CELF2: variants seen among roughly 807,000 people sequenced by gnomAD.
The protein encoded by CELF2 is CUG triplet repeat RNA-binding protein 2.
In CELF2, 8 loss-of-function variants were observed where a neutral mutation model predicts 62.6. The observed-to-expected ratio is 0.13, with a 90% CI of 0.07 to 0.23. CELF2 has a LOEUF of 0.23. Ranked by LOEUF, CELF2 falls within the 10% of genes least tolerant of loss-of-function variation. The pLI is 1.00. For missense variants in CELF2, 333 were observed against 671.0 expected, an observed-to-expected ratio of 0.50 and a Z score of 5.56; for synonymous variants, 258 against 250.0, an observed-to-expected ratio of 1.03 and a Z score of -0.30.
intron 8 of CELF2, among the ~76,000 whole-genome samples, chr10:11,281,064 G>A (rs889728789): frequency 2.0e-5 from 3 of 151,076 alleles, no homozygotes; most frequent in Non-Finnish European, 2.9e-5. Context: ...CCTCTTCTCC[G>A]TGTCCTCACT....
chr10:11,284,413 CTGTGTGGTAGGTGGATGATGGATGAGTG>C (rs2090374668), intron 8 of CELF2, among the ~76,000 whole-genome samples: 1 of 34,698 alleles, frequency 2.9e-5, no homozygotes, highest in African/African-American at 1.2e-4. Context: ...TGATGGATGA[CTGTGTGGTAGGTGGATGATGGATGAGTG>C]TGTGGTGGGT....
intron 3 of CELF2, among the ~76,000 whole-genome samples, chr10:11,226,069 G>A (rs757691887): frequency 3.3e-5 from 5 of 152,178 alleles, no homozygotes; most frequent in Non-Finnish European, 7.4e-5. Context: ...TGCATTGTAG[G>A]GTGGAATGGG....
rs145282149 is a variant in CELF2 at position 11,125,911 on chromosome 10, T to G, written c.75-39575T>G. The stretch of plus-strand genomic sequence containing the variant: ...GTTATTAAAATCACAGCTTTTGGGT[T>G]TGTGTGGCTTCCACCAATGTAAACA... On this transcript the variant is annotated intron_variant, in intron 1 of 12. Coordinates refer to ENST00000633077, the MANE Select transcript of CELF2 (RefSeq NM_001326342.2). Among the ~76,000 whole-genome samples the G allele has an allele frequency of 2.1e-3, 322 of 152,344 alleles. 3 individuals are homozygous for G. Among genetic ancestry groups the G allele is most frequent in the African/African-American group, 7.6e-3 (314 of 41,580 alleles).
At chr10:11,166,505 C>G (rs1257168484) in intron 2 of CELF2, among the ~76,000 whole-genome samples, 2 of 152,198 alleles carry the variant, frequency 1.3e-5, no homozygotes, top group Non-Finnish European at 2.9e-5. Flanking sequence ...AATATCTACT[C>G]TGCTGCTACC....
In CELF2 at chr10:11,303,174, T is replaced by G. The variant is rs145919524; in HGVS notation, c.977-10965T>G. Among the ~76,000 whole-genome samples the G allele has an allele frequency of 7.9e-5, 12 of 152,330 alleles. No homozygotes were observed. In the East Asian group the frequency reaches 2.3e-3, roughly 29 times the overall value. On this transcript the variant is annotated intron_variant, in intron 9 of 12. Coordinates refer to ENST00000633077, the MANE Select transcript of CELF2 (RefSeq NM_001326342.2). ...CCCACTGATCCTAATTTTGATCTCTTGAGCTGCAAAGAATATCTTTCTCAC... is the reference window on the plus strand; with the variant it reads ...CCCACTGATCCTAATTTTGATCTCTGGAGCTGCAAAGAATATCTTTCTCAC...
intron 1 of CELF2, among the ~76,000 whole-genome samples, chr10:11,105,793 A>G (rs1412964680): frequency 6.6e-6 from 1 of 152,208 alleles, no homozygotes; most frequent in African/African-American, 2.4e-5. Context: ...GCATGTCCAC[A>G]GAGCTTGCAG....
At chr10:10,974,546 A>G (rs1272692982) in intron 2 of CELF2, among the ~76,000 whole-genome samples, 1 of 152,228 alleles carries the variant, frequency 6.6e-6, no homozygotes, top group Non-Finnish European at 1.5e-5. Context: ...ACTCAAGGAG[A>G]TGAAGAGTCA....
intron 1 of CELF2, among the ~76,000 whole-genome samples, chr10:11,049,207 T>C (rs1023201083): frequency 3.3e-4 from 50 of 151,494 alleles, no homozygotes; most frequent in Middle Eastern, 3.4e-3. Flanking sequence ...CTTGTTAGTA[T>C]GCCATCTTTT....
chr10:10,672,180 C>T, the CELF2 span, among the ~76,000 whole-genome samples: 7 of 152,218 alleles, frequency 4.6e-5, no homozygotes, highest in South Asian at 4.2e-4. Context: ...TATTTATCGC[C>T]GGTCTGTGAC....
chr10:10,775,157 G>A, the CELF2 span, among the ~76,000 whole-genome samples: 8 of 152,164 alleles, frequency 5.3e-5, no homozygotes, highest in Non-Finnish European at 8.8e-5. Flanking sequence ...GATTACAGGC[G>A]TGAGCCACAG....
At chr10:10,539,583 C>T in the CELF2 span, among the ~76,000 whole-genome samples, 1 of 152,068 alleles carries the variant, frequency 6.6e-6, no homozygotes, top group African/African-American at 2.4e-5. Flanking sequence ...GAACCAGGGT[C>T]CTGTGATACT....
chr10:11,116,811 G>C (rs1476498433), intron 1 of CELF2, among the ~76,000 whole-genome samples: 1 of 152,204 alleles, frequency 6.6e-6, no homozygotes, highest in African/African-American at 2.4e-5. Context: ...ATGTCAGTCG[G>C]AGAAGTACAC....
chr10:11,003,604 G>A (rs1006600326), upstream of CELF2, among the ~76,000 whole-genome samples: 1 of 152,054 alleles, frequency 6.6e-6, no homozygotes, highest in Non-Finnish European at 1.5e-5. The surrounding 1 kb of genome is among the most constrained non-coding windows in gnomAD (Gnocchi z 4.4). Context: ...TTAACCGCTG[G>A]AGTAAAGAGA....
In CELF2 at chr10:11,008,370, CT is replaced by C. The variant is rs1409894687; in HGVS notation, c.53+2931del. On this transcript the variant is annotated intron_variant, in intron 1 of 12. Transcript: ENST00000416382. The surrounding 1 kb of genome is among the most constrained non-coding windows in gnomAD (Gnocchi z 4.5). ...ACCACAGACTGAGATCTCTAACCCC[CT>C]GTGTATGAATATTCCTTGATTTGTT... 6.6e-6 allele frequency among the ~76,000 whole-genome samples: 1 copy of C among 152,170 alleles called. No individual in the cohort carries two copies. The highest frequency in any genetic ancestry group is 1.5e-5 in the Non-Finnish European group (1 of 68,038).
At chr10:11,259,828 G>T (rs182021421) in intron 5 of CELF2, among the ~76,000 whole-genome samples, 116 of 152,354 alleles carry the variant, frequency 7.6e-4, no homozygotes, top group Middle Eastern at 3.4e-3. Context: ...GGAAAAGACA[G>T]TGTGGCTAAA....
upstream of CELF2, among the ~76,000 whole-genome samples, chr10:11,014,471 A>G (rs1757548089): frequency 6.6e-6 from 1 of 152,244 alleles, no homozygotes; most frequent in Admixed American, 6.5e-5. Flanking sequence ...TTATAGTAGC[A>G]ACTTTGTGCA....
chr10:11,028,100 G>A (rs780736264), intron 1 of CELF2, among the ~76,000 whole-genome samples: 1 of 152,124 alleles, frequency 6.6e-6, no homozygotes, highest in Non-Finnish European at 1.5e-5. Flanking sequence ...TTCAGAAAAC[G>A]CGCAGTCCCT....
chr10:11,060,862 C>T (rs141953780), intron 1 of CELF2, among the ~76,000 whole-genome samples: 4 of 152,144 alleles, frequency 2.6e-5, no homozygotes, highest in Non-Finnish European at 5.9e-5. Flanking sequence ...GTGTCAGGAA[C>T]AGTTCCCATA....
rs1289453842 is a variant in CELF2, at chr10:11,156,543, A to G, written c.75-8943A>G. Among the ~76,000 whole-genome samples the G allele has an allele frequency of 6.6e-6, 1 of 152,072 alleles. No individual in the cohort carries two copies. Among genetic ancestry groups the G allele is most frequent in the Non-Finnish European group, 1.5e-5 (1 of 68,034 alleles). ...ATCGATAAGGCTTACTTATTTGCCT[A>G]TTTCATGCCCACTCTAGAATATAAC... On this transcript the variant is annotated intron_variant, in intron 1 of 12. Coordinates refer to ENST00000633077, the MANE Select transcript of CELF2 (RefSeq NM_001326342.2). This position sits in a 1 kb window ranked among gnomAD's most constrained non-coding sequence, Gnocchi z 4.3.
Sources: allele counts gnomAD v4.1 joint callset (sites outside exome capture counted in the v4.1 genomes callset), GRCh38; gene constraint gnomAD v4.1.1; non-coding constraint Gnocchi (gnomAD v3.1); transcripts MANE v1.5; gene names NCBI Gene and HGNC (gene_info 2026-07-23, HGNC 2026-07-21).